DOCK10: variants seen among roughly 807,000 people sequenced by gnomAD.
The protein encoded by DOCK10 is dedicator of cytokinesis 10, also known as dedicator of cytokinesis protein 10.
Under a neutral mutation model 280.1 loss-of-function variants are expected in DOCK10, and 145 were observed. That is an observed-to-expected ratio of 0.52 (90% CI 0.45 to 0.59). DOCK10 has a LOEUF of 0.59. Among genes scored for constraint, DOCK10 ranks in the 20% least tolerant of loss-of-function variants. The pLI is 0.00. For missense variants in DOCK10, 2,368 were observed against 2,651.7 expected (o/e 0.89, Z 2.35); for synonymous variants, 915 against 942.2 (o/e 0.97, Z 0.53).
intron 1 of DOCK10, among the ~76,000 whole-genome samples, chr2:225,028,179 G>A (rs1689969418): frequency 6.6e-6 from 1 of 152,152 alleles, no homozygotes; most frequent in African/African-American, 2.4e-5. Context: ...GGATTATCTA[G>A]GTGGCCCAAT....
chr2:224,986,612 T>TCG (rs765628769), intron 1 of DOCK10, among the ~76,000 whole-genome samples: 1 of 148,158 alleles, frequency 6.7e-6, no homozygotes, highest in Non-Finnish European at 1.5e-5. Flanking sequence ...AAACACCAGC[T>TCG]CTCTCTCTCT....
At chr2:224,833,863 G>T (rs1421489302) in intron 26 of DOCK10, among the ~76,000 whole-genome samples, 1 of 152,092 alleles carries the variant, frequency 6.6e-6, no homozygotes, top group African/African-American at 2.4e-5. Flanking sequence ...TGTTGGCCAG[G>T]CTGGTCTTGA....
In DOCK10 at chr2:224,961,412, C is replaced by CCCTT. The variant is rs1704387719; in HGVS notation, c.124-29745_124-29744insAAGG. Among the ~76,000 whole-genome samples, 7 of 119,380 alleles carry CCCTT rather than the reference C, an allele frequency of 5.9e-5. No homozygotes were observed. In the Admixed American group the frequency reaches 6.2e-4, roughly 11 times the overall value. The allele number at this position is 119,380 out of a possible 152,430, so 78.3% of individuals were successfully genotyped here. A position where few individuals can be genotyped will look rare whatever the true frequency, so the allele number is the denominator to read the frequency against. Reference sequence around the variant, plus strand: ...ATAGCAGCATTTTCTTTCTTTCTTTCTCTTTCTTTCTTTCTTTCTTTCTTT... The same window carrying CCCTT: ...ATAGCAGCATTTTCTTTCTTTCTTTCCCTTTCTTTCTTTCTTTCTTTCTTTCTTT... On this transcript the variant is annotated intron_variant, in intron 1 of 55. Coordinates refer to ENST00000258390, the MANE Select transcript of DOCK10 (RefSeq NM_014689.3).
intron 47 of DOCK10, among the ~76,000 whole-genome samples, chr2:224,791,665 G>A (rs1456980522): frequency 2.0e-5 from 3 of 148,512 alleles, no homozygotes; most frequent in Non-Finnish European, 4.4e-5. Flanking sequence ...TAGTAGAGAC[G>A]GGGTTTCATC....
Position 224,800,289 on chromosome 2 carries a change from G to A in DOCK10, c.4394-26C>T, listed in dbSNP as rs191485402. 30 of 1,447,054 alleles carry A rather than the reference G, an allele frequency of 2.1e-5. No individual in the cohort carries two copies. In the East Asian group the frequency reaches 3.7e-4, roughly 18 times the overall value. 89.6% of individuals were successfully genotyped at this position (1,447,054 alleles called of 1,614,324 possible). On this transcript the variant is annotated intron_variant, in intron 40 of 55. Transcript: ENST00000258390. ...CTATAAAATACAAAATAAAACATGC[G>A]TAAAAGTCTAAGACAATGCTTTGTA...
rs941236871 is a variant in DOCK10, at chr2:225,000,223, CAG to C, written c.123+42027_123+42028del. 3.4e-4 allele frequency among the ~76,000 whole-genome samples: 35 copies of C among 101,846 alleles called. No homozygotes were observed. The East Asian group carries it at 7.2e-3, about 21-fold the overall frequency. The allele number at this position is 101,846 out of a possible 152,430, so 66.8% of individuals were successfully genotyped here. Reference sequence around the variant, plus strand: ...ACACACAGACACACACACACACACACAGACACACACACACACACACATGCAAT... The same window carrying C: ...ACACACAGACACACACACACACACACACACACACACACACACACATGCAAT... On this transcript the variant is annotated intron_variant, in intron 1 of 55. Transcript: ENST00000258390.
intron 1 of DOCK10, among the ~76,000 whole-genome samples, chr2:224,998,920 C>T (rs534886044): frequency 1.3e-5 from 2 of 152,280 alleles, no homozygotes; most frequent in South Asian, 4.1e-4. Flanking sequence ...GGTGTGGTGG[C>T]TCACATCTGT....
At chr2:224,941,816 C>G (rs1459648342) in intron 1 of DOCK10, among the ~76,000 whole-genome samples, 1 of 148,524 alleles carries the variant, frequency 6.7e-6, no homozygotes, top group African/African-American at 2.5e-5. Flanking sequence ...TGTAATCCAG[C>G]CTGGGCAACA....
intron 1 of DOCK10, among the ~76,000 whole-genome samples, chr2:224,996,783 GTTGGCAGA>G (rs1706283929): frequency 6.6e-6 from 1 of 152,216 alleles, no homozygotes; most frequent in Non-Finnish European, 1.5e-5. Flanking sequence ...CTGCAGGCAG[GTTGGCAGA>G]TTAAATTTCA....
chr2:225,014,088 T>TG (rs1689523236), intron 1 of DOCK10, among the ~76,000 whole-genome samples: 1 of 107,708 alleles, frequency 9.3e-6, no homozygotes, highest in African/African-American at 5.0e-5. Flanking sequence ...TATATTGTTT[T>TG]TTTTTTTTTG....
At chr2:224,874,486 A>G in intron 9 of DOCK10, 137 bp from the exon 10 acceptor site, 1 of 927,328 alleles carries the variant, frequency 1.1e-6, no homozygotes, top group Non-Finnish European at 1.6e-6. Flanking sequence ...AAATCTTGTA[A>G]AAGTATGTTT....
rs1693351233 is a variant in DOCK10 at position 224,805,619 on chromosome 2, G to A, written c.3815-90C>T. Reference sequence around the variant, plus strand: ...TCACATGATGAACCAAAAAGATGTTGATACTGAGGTAGCAGCAGTGTTGTC... The same window carrying A: ...TCACATGATGAACCAAAAAGATGTTAATACTGAGGTAGCAGCAGTGTTGTC... On this transcript the variant is annotated intron_variant, in intron 34 of 55. Coordinates refer to ENST00000258390, the MANE Select transcript of DOCK10 (RefSeq NM_014689.3). This position sits in a 1 kb window ranked among gnomAD's most constrained non-coding sequence, Gnocchi z 4.3. The A allele has an allele frequency of 6.5e-7, 1 of 1,532,790 alleles. No individual in the cohort carries two copies. Among genetic ancestry groups the A allele is most frequent in the South Asian group, 1.2e-5 (1 of 85,212 alleles). The allele number at this position is 1,532,790 out of a possible 1,614,324, so 94.9% of individuals were successfully genotyped here.
At chr2:224,800,716 T>A (rs1692923367) in intron 40 of DOCK10, among the ~76,000 whole-genome samples, 1 of 152,148 alleles carries the variant, frequency 6.6e-6, no homozygotes, top group Admixed American at 6.6e-5. Context: ...AATCTGTCAA[T>A]GAAAAGAGTC....
At chr2:224,941,073 A>T (rs1476784294) in intron 1 of DOCK10, among the ~76,000 whole-genome samples, 1 of 152,214 alleles carries the variant, frequency 6.6e-6, no homozygotes, top group African/African-American at 2.4e-5. Flanking sequence ...TACCCTGTAA[A>T]TGCCAATAAT....
intron 1 of DOCK10, among the ~76,000 whole-genome samples, chr2:224,968,419 T>C (rs1237086042): frequency 6.6e-6 from 1 of 152,238 alleles, no homozygotes; most frequent in Non-Finnish European, 1.5e-5. Flanking sequence ...TCTCATCTCC[T>C]GCAACCTCCC....
At chr2:224,908,936 G>A (rs1700839469) in intron 3 of DOCK10, among the ~76,000 whole-genome samples, 1 of 152,168 alleles carries the variant, frequency 6.6e-6, no homozygotes. Context: ...AAATCAGAGA[G>A]GGCTTTGTTG....
At chr2:224,943,957 GT>G (rs1427497461) in intron 1 of DOCK10, among the ~76,000 whole-genome samples, 1 of 152,004 alleles carries the variant, frequency 6.6e-6, no homozygotes, top group Non-Finnish European at 1.5e-5. Context: ...TCGAGATGGG[GT>G]TTCACCGTGT....
chr2:224,862,919 A>G (rs1697617925), intron 13 of DOCK10, among the ~76,000 whole-genome samples, 173 bp from the exon 14 acceptor site: 1 of 152,226 alleles, frequency 6.6e-6, no homozygotes, highest in Non-Finnish European at 1.5e-5. Flanking sequence ...TGTTCAAACT[A>G]TTGTATAATG....
intron 28 of DOCK10, among the ~76,000 whole-genome samples, chr2:224,822,611 C>T (rs1694570989): frequency 6.6e-6 from 1 of 152,032 alleles, no homozygotes; most frequent in Non-Finnish European, 1.5e-5. Context: ...ACTCAGGAGG[C>T]TGAGGTGGGA....
Sources: allele counts gnomAD v4.1 joint callset (sites outside exome capture counted in the v4.1 genomes callset), GRCh38; gene constraint gnomAD v4.1.1; non-coding constraint Gnocchi (gnomAD v3.1); transcripts MANE v1.5; gene names NCBI Gene and HGNC (gene_info 2026-07-23, HGNC 2026-07-21).